Variants in USF3 observed in about 807,000 individuals in gnomAD.
USF3 encodes the protein upstream transcription factor family member 3.
In USF3, 29 loss-of-function variants were observed where a neutral mutation model predicts 157.5. That is an observed-to-expected ratio of 0.18 (90% confidence interval 0.14 to 0.25). The LOEUF (loss-of-function observed/expected upper bound fraction) is 0.25. Among genes scored for constraint, USF3 ranks in the 10% least tolerant of loss-of-function variants. The probability of loss-of-function intolerance (pLI) is 1.00; values close to 1 mark genes in which losing one functional copy is unlikely to be tolerated. For synonymous variants in USF3, 893 were observed against 941.4 expected, an observed-to-expected ratio of 0.95 and a Z score of 0.94; for missense variants, 2,381 against 2,667.6, an observed-to-expected ratio of 0.89 and a Z score of 2.37.
intron 5 of USF3, among the ~76,000 whole-genome samples, chr3:113,666,175 A>C (rs944114269): frequency 5.3e-5 from 8 of 150,634 alleles, no homozygotes; most frequent in African/African-American, 2.0e-4. Flanking sequence ...CAGTAGCAAA[A>C]CTCCATCTCA....
intron 1 of USF3, among the ~76,000 whole-genome samples, chr3:113,678,370 C>T (rs1707330917): frequency 6.6e-6 from 1 of 151,690 alleles, no homozygotes; most frequent in African/African-American, 2.4e-5. Flanking sequence ...TCCATAATAA[C>T]CAATATCTAA....
Position 113,659,640 on chromosome 3 carries a change from C to T in USF3, c.2042G>A (p.Gly681Glu), listed in dbSNP as rs759204337. The T allele has an allele frequency of 3.7e-6, 6 of 1,614,022 alleles. No homozygotes were observed. In the South Asian group the frequency reaches 5.5e-5, roughly 15 times the overall value. The change falls in exon 7 of 7, where the codon GGA becomes GAA. Residue 681 changes from glycine (G) to glutamate (E), a missense_variant. Coordinates refer to ENST00000316407, the MANE Select transcript of USF3 (RefSeq NM_001009899.4). ...FALQPVMSSS[G>E]TTNQTPMQII... Reference sequence around the variant, plus strand: ...TTGCATAGGGGTTTGATTTGTAGTTCCTGATGAAGACATCACAGGCTGCAA... The same window carrying T: ...TTGCATAGGGGTTTGATTTGTAGTTTCTGATGAAGACATCACAGGCTGCAA...
In USF3 at chr3:113,656,890, G is replaced by T; in HGVS notation, c.4792C>A (p.Gln1598Lys). 2 of 1,614,158 alleles carry T rather than the reference G, an allele frequency of 1.2e-6. No homozygotes were observed. The highest frequency in any genetic ancestry group is 1.7e-6 in the Non-Finnish European group (2 of 1,180,020). Residue 1598 changes from glutamine to lysine, a missense_variant, in exon 7 of 7, where the codon CAA becomes AAA. By Grantham distance (53) the Gln-to-Lys change is moderately conservative. This residue lies in a region of USF3 where 770 missense variants were observed against 824.2 expected (regional missense o/e 0.93). Coordinates refer to ENST00000316407, the MANE Select transcript of USF3 (RefSeq NM_001009899.4). ...TCCTGCTGTTGGTGCATAATATCTT[G>T]ATTGAGATGGTTCTGGGGATGGTTA... is the stretch of plus-strand genomic sequence containing the variant. ...HHNHPQNHLN[Q>K]DIMHQQQDVG...
At position 113,654,930 on chromosome 3, in the gene USF3, T is replaced by G; in HGVS notation, c.*14A>C. Reference sequence around the variant, plus strand: ...TAATCTCACTCATTACCTTTACATTTTGTTTATCAGTATTTAAACAGCTGA... The same window carrying G: ...TAATCTCACTCATTACCTTTACATTGTGTTTATCAGTATTTAAACAGCTGA... On this transcript the variant is annotated 3_prime_UTR_variant, in exon 7 of 7. Coordinates refer to ENST00000316407, the MANE Select transcript of USF3 (RefSeq NM_001009899.4). 2 of 1,594,490 alleles carry G rather than the reference T, an allele frequency of 1.3e-6. No individual in the cohort carries two copies. The highest frequency in any genetic ancestry group is 1.7e-6 in the Non-Finnish European group (2 of 1,168,892).
Position 113,658,474 on chromosome 3 carries a change from C to T in USF3, c.3208G>A (p.Asp1070Asn), listed in dbSNP as rs201503417. 74 of 1,614,028 alleles carry T rather than the reference C, an allele frequency of 4.6e-5. 1 individual carries two copies. Among genetic ancestry groups the T allele is most frequent in the Admixed American group, 6.7e-5 (4 of 60,016 alleles). ...DPPQHHSCLP[D>N]QEVINGSLIN... is the part of the protein sequence containing the mutation. ...AAAGAACCATTAATAACCTCTTGATCAGGGAGGCAGGAATGATGCTGTGGA... is the reference window on the plus strand; with the variant it reads ...AAAGAACCATTAATAACCTCTTGATTAGGGAGGCAGGAATGATGCTGTGGA... The change falls in exon 7 of 7, where the codon GAT becomes AAT. Residue 1070 changes from aspartate to asparagine, a missense_variant. Physicochemically the swap from Asp to Asn is conservative, Grantham distance 23 (BLOSUM62 1). This residue lies in a region of USF3 where 1,435 missense variants were observed against 1,550.9 expected (regional missense o/e 0.93). Coordinates refer to ENST00000316407, the MANE Select transcript of USF3 (RefSeq NM_001009899.4).
intron 1 of USF3, among the ~76,000 whole-genome samples, chr3:113,695,365 G>A (rs915161039): frequency 2.6e-5 from 4 of 152,226 alleles, no homozygotes; most frequent in African/African-American, 9.6e-5. Context: ...GAGTAGGACA[G>A]CCTGTTGATC....
Position 113,652,108 on chromosome 3 carries a change from A to AGAGAGAGT in USF3, c.*2835_*2836insACTCTCTC, listed in dbSNP as rs1266464109. On this transcript the variant is annotated 3_prime_UTR_variant, in exon 7 of 7. Coordinates refer to ENST00000316407, the MANE Select transcript of USF3 (RefSeq NM_001009899.4). The stretch of plus-strand genomic sequence containing the variant: ...TGGAGAGAGAGAGAGAGAGAGAGAG[A>AGAGAGAGT]GTGTGTGTGTGTGTGTGTGTGTGTG... 1.4e-5 allele frequency: 2 copies of AGAGAGAGT among 142,084 alleles called. No homozygotes were observed. The highest frequency in any genetic ancestry group is 7.1e-5 in the Admixed American group (1 of 14,114). 8.8% of individuals were successfully genotyped at this position (142,084 alleles called of 1,614,324 possible). A position where few individuals can be genotyped will look rare whatever the true frequency, so the allele number is the denominator to read the frequency against.
Position 113,656,061 on chromosome 3 carries a change from T to C in USF3, c.5621A>G (p.Gln1874Arg), listed in dbSNP as rs763656498. 2 of 1,614,208 alleles carry C rather than the reference T, an allele frequency of 1.2e-6. No homozygotes were observed. Among genetic ancestry groups the C allele is most frequent in the Non-Finnish European group, 1.7e-6 (2 of 1,180,014 alleles). ...NVHIRRESES[Q>R]NRESCDMSLG... ...CGACATGTCACAACTTTCCCTATTCTGACTCTCACTCTCTCTTCTAATATG... is the reference window on the plus strand; with the variant it reads ...CGACATGTCACAACTTTCCCTATTCCGACTCTCACTCTCTCTTCTAATATG... The change falls in exon 7 of 7, where the codon CAG becomes CGG. Residue 1874 changes from glutamine (Q) to arginine (R), a missense_variant. Around this residue, in one of 6 missense-constraint regions of USF3, gnomAD observed 770 missense variants for 824.2 expected, o/e 0.93. Transcript: ENST00000316407.
chr3:113,663,747 A>G (rs1947522209), intron 6 of USF3, among the ~76,000 whole-genome samples: 1 of 152,242 alleles, frequency 6.6e-6, no homozygotes, highest in Non-Finnish European at 1.5e-5. Context: ...CTGCTATAAG[A>G]AAACTTTCTC....
chr3:113,692,671 T>C (rs1707710121), intron 1 of USF3, among the ~76,000 whole-genome samples: 2 of 152,182 alleles, frequency 1.3e-5, no homozygotes, highest in Admixed American at 6.5e-5. Flanking sequence ...CCTAACAGTG[T>C]TGGGCACATG....
At position 113,679,564 on chromosome 3, in the gene USF3, G is replaced by A. The variant is rs543293496; in HGVS notation, c.-134-2167C>T. ...TAGTAGCTAGGATTACAGGCACCTG[G>A]CACCATACCCAGCTAATTTTTGTAT... is the stretch of plus-strand genomic sequence containing the variant. On this transcript the variant is annotated intron_variant, in intron 1 of 6. Coordinates refer to ENST00000316407, the MANE Select transcript of USF3 (RefSeq NM_001009899.4). 2.0e-5 allele frequency among the ~76,000 whole-genome samples: 3 copies of A among 151,782 alleles called. No homozygotes were observed. The South Asian group carries it at 6.3e-4, about 32-fold the overall frequency.
intron 1 of USF3, among the ~76,000 whole-genome samples, chr3:113,681,710 A>T (rs1476050254): frequency 6.6e-6 from 1 of 150,440 alleles, no homozygotes. Flanking sequence ...ATATTATTTC[A>T]ATTTAAAAAA....
In USF3 at chr3:113,655,566, C is replaced by T. The variant is rs377319556; in HGVS notation, c.6116G>A (p.Arg2039His). The change falls in exon 7 of 7, where the codon CGT becomes CAT. Residue 2039 changes from arginine to histidine, a missense_variant. This residue lies in a region of USF3 where 770 missense variants were observed against 824.2 expected (regional missense o/e 0.93). Transcript: ENST00000316407. ...PATEKRGSIV[R>H]FMPDSPQVPN... ...TACTTGTGGGCTATCAGGCATGAAA[C>T]GAACAATACTTCCTCTCTTCTCTGT... is the stretch of plus-strand genomic sequence containing the variant. 2.9e-5 allele frequency: 47 copies of T among 1,614,016 alleles called. No homozygotes were observed. The highest frequency in any genetic ancestry group is 3.5e-5 in the Non-Finnish European group (41 of 1,180,020).
intron 6 of USF3, among the ~76,000 whole-genome samples, chr3:113,663,725 A>T (rs549167298): frequency 6.6e-6 from 1 of 152,206 alleles, no homozygotes; most frequent in East Asian, 1.9e-4. Flanking sequence ...TGCCTGGAAT[A>T]TTTTTTTCCC....
intron 2 of USF3, among the ~76,000 whole-genome samples, chr3:113,676,125 C>G (rs142425499): frequency 6.6e-6 from 1 of 152,188 alleles, no homozygotes; most frequent in African/African-American, 2.4e-5. Context: ...CAAGTCTCTA[C>G]AAAGTTCCAA....
chr3:113,656,950 T>C lies in USF3; in HGVS notation c.4732A>G (p.Ser1578Gly), dbSNP rs1363818462. Residue 1578 changes from serine (S) to glycine (G), a missense_variant, in exon 7 of 7, where the codon AGC (serine) becomes GGC (glycine). Coordinates refer to ENST00000316407, the MANE Select transcript of USF3 (RefSeq NM_001009899.4). ...QHFGSSQTEK[S>G]CENPSTSRNH... is the part of the protein sequence containing the mutation. ...CGACTAGTTGAAGGGTTTTCACAGC[T>C]CTTCTCTGTCTGGGAGCTTCCAAAG... 1.2e-6 allele frequency: 2 copies of C among 1,614,040 alleles called. No individual in the cohort carries two copies. Among genetic ancestry groups the C allele is most frequent in the Middle Eastern group, 1.6e-4 (1 of 6,084 alleles).
Position 113,655,531 on chromosome 3 carries a change from TATC to T in USF3, c.6148_6150del (p.Asp2050del). On this transcript the variant is annotated inframe_deletion, in exon 7 of 7. Coordinates refer to ENST00000316407, the MANE Select transcript of USF3 (RefSeq NM_001009899.4). ...AGTGTATGCTGGTCAGGACCTGAATTATCATTAGGTACTTGTGGGCTATCAGGC... is the reference window on the plus strand; with the variant it reads ...AGTGTATGCTGGTCAGGACCTGAATTATTAGGTACTTGTGGGCTATCAGGC... 1 of 1,614,124 alleles carries T rather than the reference TATC, an allele frequency of 6.2e-7. No homozygotes were observed.
At chr3:113,696,099 G>C (rs1175803606) in intron 1 of USF3, among the ~76,000 whole-genome samples, 2 of 152,234 alleles carry the variant, frequency 1.3e-5, no homozygotes, top group East Asian at 1.9e-4. Flanking sequence ...CTAGGAGCTG[G>C]GGCGCAGTGC....
In USF3 at chr3:113,652,276, A is replaced by G. The variant is rs1242522675; in HGVS notation, c.*2668T>C. 4 of 152,166 alleles carry G rather than the reference A, an allele frequency of 2.6e-5. No homozygotes were observed. Among genetic ancestry groups the G allele is most frequent in the Non-Finnish European group, 4.4e-5 (3 of 68,030 alleles). 9.4% of individuals were successfully genotyped at this position (152,166 alleles called of 1,614,324 possible). ...ACACTGGACCTTTCAAGTACAAAGA[A>G]AAATTTGAACGTTGCAGCTTAAAAT... On this transcript the variant is annotated 3_prime_UTR_variant, in exon 7 of 7. Coordinates refer to ENST00000316407, the MANE Select transcript of USF3 (RefSeq NM_001009899.4).
Sources: gnomAD v4.1 joint callset for allele counts (sites outside exome capture counted in the v4.1 genomes callset) on GRCh38, gnomAD v4.1.1 for gene constraint, gnomAD v4.1.1 regional missense constraint, MANE v1.5 for transcripts, NCBI Gene and HGNC (gene_info 2026-07-23, HGNC 2026-07-21) for gene names.